ARL6IP6: variants seen among roughly 807,000 people sequenced by gnomAD.
ARL6IP6 encodes ADP-ribosylation factor-like protein 6-interacting protein 6.
Under a neutral mutation model 21.5 loss-of-function variants are expected in ARL6IP6, and 22 were observed. The observed-to-expected ratio is 1.02, with a 90% CI of 0.73 to 1.46. ARL6IP6 has a LOEUF of 1.46. ARL6IP6 is among the 40% of genes most tolerant of loss of function. The pLI, the probability that ARL6IP6 is intolerant of heterozygous loss-of-function variation, is 0.00. For synonymous variants in ARL6IP6, 164 were observed against 125.3 expected, an observed-to-expected ratio of 1.31 and a Z score of -2.06; for missense variants, 388 against 299.8, an observed-to-expected ratio of 1.29 and a Z score of -2.17.
intron 2 of ARL6IP6, among the ~76,000 whole-genome samples, chr2:152,726,261 T>C (rs2105100476): frequency 6.6e-6 from 1 of 152,356 alleles, no homozygotes; most frequent in East Asian, 1.9e-4. Context: ...ACCTTCCTCA[T>C]CTGTTTCAAC....
At chr2:152,734,809 T>G (rs1404069458) in intron 2 of ARL6IP6, among the ~76,000 whole-genome samples, 185 bp from the exon 3 acceptor site, 5 of 152,242 alleles carry the variant, frequency 3.3e-5, no homozygotes, top group Non-Finnish European at 7.3e-5. Context: ...CTTCTAGTTG[T>G]GCTTTAGTAA....
intron 3 of ARL6IP6, among the ~76,000 whole-genome samples, chr2:152,750,041 A>G (rs1228409121): frequency 6.6e-6 from 1 of 152,220 alleles, no homozygotes; most frequent in African/African-American, 2.4e-5. Context: ...TGGGACTAAA[A>G]TATTTATATC....
chr2:152,722,767 G>T (rs906414090), intron 2 of ARL6IP6, among the ~76,000 whole-genome samples: 2 of 152,168 alleles, frequency 1.3e-5, no homozygotes, highest in African/African-American at 2.4e-5. Context: ...AATTAGCTGG[G>T]CATGGTGGCA....
chr2:152,745,323 T>C (rs957169585), intron 3 of ARL6IP6, among the ~76,000 whole-genome samples: 4 of 152,210 alleles, frequency 2.6e-5, no homozygotes, highest in Non-Finnish European at 2.9e-5. Flanking sequence ...GCTTGAAATT[T>C]GAAATTTCCA....
At chr2:152,721,579 A>C (rs1699792286) in intron 2 of ARL6IP6, among the ~76,000 whole-genome samples, 1 of 152,258 alleles carries the variant, frequency 6.6e-6, no homozygotes, top group African/African-American at 2.4e-5. Flanking sequence ...AGGGGAGATC[A>C]AACTTAATCA....
chr2:152,747,207 G>T (rs1406027525), intron 3 of ARL6IP6, among the ~76,000 whole-genome samples: 3 of 152,128 alleles, frequency 2.0e-5, no homozygotes, highest in Middle Eastern at 6.3e-3. Flanking sequence ...TCATTTTAAA[G>T]ATTGAGAATT....
intron 3 of ARL6IP6, among the ~76,000 whole-genome samples, chr2:152,756,614 C>A (rs1701604527): frequency 6.6e-6 from 1 of 151,280 alleles, no homozygotes. Flanking sequence ...CTCTATAAAC[C>A]AATAGAAAAA....
rs140801105 is a variant in ARL6IP6 at position 152,718,999 on chromosome 2, C to T, written c.375C>T (p.Leu125=). Residue 125 remains leucine (L), a synonymous_variant, in exon 1 of 4, where the codon CTC becomes CTT. Transcript: ENST00000326446. ...LLFAILLAFL[L]AIAYLIVKEL... is the part of the protein sequence containing the mutation. ...TCGCCATTCTTCTCGCCTTCCTCCTCGCCATCGCCTACTTGATCGTTAAAG... is the reference window on the plus strand; with the variant it reads ...TCGCCATTCTTCTCGCCTTCCTCCTTGCCATCGCCTACTTGATCGTTAAAG... The T allele has an allele frequency of 1.0e-5, 16 of 1,578,222 alleles. No individual in the cohort carries two copies. The highest frequency in any genetic ancestry group is 7.2e-5 in the Admixed American group (4 of 55,694).
chr2:152,731,233 T>C (rs758773912), intron 2 of ARL6IP6, among the ~76,000 whole-genome samples: 3 of 152,192 alleles, frequency 2.0e-5, no homozygotes, highest in African/African-American at 2.4e-5. Flanking sequence ...GCCCATTAGC[T>C]CTTTAACAGG....
At chr2:152,750,375 C>T (rs1227783173) in intron 3 of ARL6IP6, among the ~76,000 whole-genome samples, 1 of 151,330 alleles carries the variant, frequency 6.6e-6, no homozygotes, top group Non-Finnish European at 1.5e-5. Context: ...ACTTGGAAGG[C>T]TGAGGCATGA....
intron 2 of ARL6IP6, among the ~76,000 whole-genome samples, chr2:152,732,110 A>G (rs1700343671): frequency 6.6e-6 from 1 of 151,982 alleles, no homozygotes; most frequent in African/African-American, 2.4e-5. Context: ...TCTTGTATAT[A>G]CATCATTTTA....
chr2:152,724,125 AAAG>A (rs1401205382), intron 2 of ARL6IP6, among the ~76,000 whole-genome samples: 31 of 147,800 alleles, frequency 2.1e-4, no homozygotes, highest in African/African-American at 7.6e-4. Flanking sequence ...AAAAAAAAAA[AAAG>A]AGAGAAAGCC....
In ARL6IP6 at chr2:152,718,980, T is replaced by G. The variant is rs1229718875; in HGVS notation, c.356T>G (p.Ile119Ser). 6.3e-7 allele frequency: 1 copy of G among 1,590,760 alleles called. No individual in the cohort carries two copies. The change falls in exon 1 of 4, where the codon ATT (isoleucine) becomes AGT (serine). Residue 119 changes from isoleucine to serine, a missense_variant. Transcript: ENST00000326446. ...ATTCTCTGCTCGCTGCTCTTCGCCATTCTTCTCGCCTTCCTCCTCGCCATC... is the reference window on the plus strand; with the variant it reads ...ATTCTCTGCTCGCTGCTCTTCGCCAGTCTTCTCGCCTTCCTCCTCGCCATC... ...LSILCSLLFA[I>S]LLAFLLAIAY...
At chr2:152,752,649 TG>T (rs1431013606) in intron 3 of ARL6IP6, among the ~76,000 whole-genome samples, 10 of 152,230 alleles carry the variant, frequency 6.6e-5, no homozygotes, top group Non-Finnish European at 1.3e-4. Context: ...CCCTGTTGGC[TG>T]CCTCTCATCT....
chr2:152,756,982 T>C (rs1701622497), intron 3 of ARL6IP6, among the ~76,000 whole-genome samples: 1 of 152,146 alleles, frequency 6.6e-6, no homozygotes, highest in Admixed American at 6.5e-5. Flanking sequence ...CCTGTATGTA[T>C]AGGAGCCCCA....
chr2:152,723,396 G>A (rs1699884276), intron 2 of ARL6IP6, among the ~76,000 whole-genome samples: 1 of 152,110 alleles, frequency 6.6e-6, no homozygotes, highest in African/African-American at 2.4e-5. Context: ...ATGTTTGATT[G>A]TTTTGTATAT....
intron 2 of ARL6IP6, chr2:152,732,508 T>A: frequency 2.3e-6 from 1 of 432,008 alleles, no homozygotes; most frequent in South Asian, 1.8e-5. Context: ...GGATTGCTGG[T>A]CTTTTTTTTT....
chr2:152,742,244 T>C (rs1309406421), intron 3 of ARL6IP6, among the ~76,000 whole-genome samples: 4 of 152,040 alleles, frequency 2.6e-5, no homozygotes, highest in Non-Finnish European at 5.9e-5. Context: ...CGTGGAAAAA[T>C]ACTGCATGCA....
chr2:152,717,669 G>T, upstream of ARL6IP6: 1 of 1,417,878 alleles, frequency 7.1e-7, no homozygotes, highest in Non-Finnish European at 9.2e-7. Context: ...AAGTTTCTGC[G>T]CCGAGTCCTC....
Sources: allele counts gnomAD v4.1 joint callset (sites outside exome capture counted in the v4.1 genomes callset), GRCh38; gene constraint gnomAD v4.1.1; transcripts MANE v1.5; gene names NCBI Gene and HGNC (gene_info 2026-07-23, HGNC 2026-07-21).